The following R3HDM2 variants were observed in gnomAD, a reference collection of about 807,000 sequenced individuals.
The protein encoded by R3HDM2 is R3H domain containing 2, also known as R3H domain-containing protein 2.
A neutral mutation model predicts 124.5 loss-of-function variants in R3HDM2; 38 were observed. That is an observed-to-expected ratio of 0.31 (90% CI 0.24 to 0.40). R3HDM2 has a LOEUF of 0.40. R3HDM2 is among the 10% of genes least tolerant of loss of function. The probability of loss-of-function intolerance (pLI) is 1.00; values close to 1 mark genes in which losing one functional copy is unlikely to be tolerated. For synonymous variants in R3HDM2, 391 were observed against 448.0 expected, an observed-to-expected ratio of 0.87 and a Z score of 1.61; for missense variants, 869 against 1,236.9, an observed-to-expected ratio of 0.70 and a Z score of 4.46.
intron 3 of R3HDM2, among the ~76,000 whole-genome samples, chr12:57,308,147 T>C (rs201493023): frequency 6.7e-6 from 1 of 149,452 alleles, no homozygotes; most frequent in East Asian, 2.1e-4. Context: ...CTCTGCCTCC[T>C]GGGTTCAAGC....
chr12:57,320,261 C>CGAAAAAAAAAAAAA (rs2056137151), intron 2 of R3HDM2, among the ~76,000 whole-genome samples: 1 of 14,276 alleles, frequency 7.0e-5, no homozygotes, highest in Non-Finnish European at 1.3e-4. Flanking sequence ...AACTCTATCT[C>CGAAAAAAAAAAAAA]AAAAAAAAAA....
intron 2 of R3HDM2, among the ~76,000 whole-genome samples, chr12:57,318,349 A>C (rs1156995496): frequency 2.0e-5 from 3 of 152,072 alleles, no homozygotes; most frequent in Non-Finnish European, 4.4e-5. Context: ...CAGCTCTTTA[A>C]GTAGAAATAA....
At chr12:57,299,299 A>G (rs1452634086) in intron 6 of R3HDM2, 53 bp downstream of exon 6, 1 of 1,492,728 alleles carries the variant, frequency 6.7e-7, no homozygotes, top group Non-Finnish European at 9.1e-7. Flanking sequence ...GCTTCAGGAT[A>G]AAAGTAAAGG....
rs1359471627 is a variant in R3HDM2, at chr12:57,310,458, G to A, written c.-30C>T. The A allele has an allele frequency of 2.0e-6, 3 of 1,470,086 alleles. No individual in the cohort carries two copies. The Admixed American group carries it at 7.9e-5, about 39-fold the overall frequency. The allele number at this position is 1,470,086 out of a possible 1,614,324, so 91.1% of individuals were successfully genotyped here. ...TTCAATAGAATACAGTGGCCTCTAT[G>A]GACTCCTAAAGAAACATCAAATGCA... On this transcript the variant is annotated 5_prime_UTR_variant, in exon 3 of 24. Transcript: ENST00000402412.
chr12:57,406,539 A>G (rs770273793), intron 1 of R3HDM2, among the ~76,000 whole-genome samples: 6 of 152,176 alleles, frequency 3.9e-5, no homozygotes, highest in Non-Finnish European at 7.3e-5. Flanking sequence ...TAACCAAATA[A>G]GCGATGAGGG....
rs2040392579 is a variant in R3HDM2, at chr12:57,260,263, C to CAAAAAAAAAAAAAAAAAAAAAAGAAAAA, written c.2132-1205_2132-1204insTTTTTCTTTTTTTTTTTTTTTTTTTTTT. Among the ~76,000 whole-genome samples the CAAAAAAAAAAAAAAAAAAAAAAGAAAAA allele has an allele frequency of 1.5e-3, 46 of 31,562 alleles. 5 individuals are homozygous for CAAAAAAAAAAAAAAAAAAAAAAGAAAAA. In the East Asian group the frequency reaches 0.027, roughly 18 times the overall value. 20.7% of individuals were successfully genotyped at this position (31,562 alleles called of 152,430 possible). On this transcript the variant is annotated intron_variant, in intron 19 of 23. Coordinates refer to ENST00000402412, the MANE Select transcript of R3HDM2 (RefSeq NM_001394031.1). ...TGGGTGACAGAATGAGACCCTGCCT[C>CAAAAAAAAAAAAAAAAAAAAAAGAAAAA]AAAAAAAAAAAAAAAAAAAAAAGCC...
chr12:57,271,073 G>C (rs1364272694), intron 14 of R3HDM2, among the ~76,000 whole-genome samples: 1 of 152,182 alleles, frequency 6.6e-6, no homozygotes, highest in African/African-American at 2.4e-5. Context: ...ATAACACCTT[G>C]AGTGGATCAT....
chr12:57,407,758 C>T (rs2068658244), intron 1 of R3HDM2, among the ~76,000 whole-genome samples: 1 of 151,538 alleles, frequency 6.6e-6, no homozygotes, highest in Non-Finnish European at 1.5e-5. Context: ...TATTTTTGTG[C>T]GTGTTTTTTT....
At chr12:57,369,066 A>G (rs2063005309) in intron 2 of R3HDM2, among the ~76,000 whole-genome samples, 1 of 152,182 alleles carries the variant, frequency 6.6e-6, no homozygotes, top group South Asian at 2.1e-4. Context: ...AACCTCAGAT[A>G]GTTTTCCTCC....
In R3HDM2 at chr12:57,365,264, C is replaced by CA. The variant is rs1162818499; in HGVS notation, c.-36+30484dup. 4.3e-3 allele frequency among the ~76,000 whole-genome samples: 585 copies of CA among 137,646 alleles called. 4 individuals carry two copies. The highest frequency in any genetic ancestry group is 0.015 in the African/African-American group (558 of 36,634). The allele number at this position is 137,646 out of a possible 152,430, so 90.3% of individuals were successfully genotyped here. A position where few individuals can be genotyped will look rare whatever the true frequency, so the allele number is the denominator to read the frequency against. On this transcript the variant is annotated intron_variant, in intron 2 of 23. Transcript: ENST00000402412. ...GGGTGACAGAGTGAGACTCTGTCTC[C>CA]AAAAAAAAAGAAAAAAAAAAAAGGA... is the stretch of plus-strand genomic sequence containing the variant.
At chr12:57,410,910 A>G (rs2068947741) in intron 1 of R3HDM2, among the ~76,000 whole-genome samples, 2 of 152,352 alleles carry the variant, frequency 1.3e-5, no homozygotes, top group South Asian at 4.1e-4. Flanking sequence ...CAGTAGGGAA[A>G]AAATAGTGGA....
chr12:57,272,369 C>T, intron 14 of R3HDM2: 6 of 1,167,244 alleles, frequency 5.1e-6, no homozygotes, highest in Non-Finnish European at 7.5e-6. Flanking sequence ...AACATGCTTA[C>T]AAGGCCATCA....
At chr12:57,374,853 GGGCGTGGT>G (rs1176795317) in intron 2 of R3HDM2, among the ~76,000 whole-genome samples, 1 of 149,492 alleles carries the variant, frequency 6.7e-6, no homozygotes, top group African/African-American at 2.5e-5. Context: ...AAAAATAGTC[GGGCGTGGT>G]GGCGGGCGCC....
intron 2 of R3HDM2, among the ~76,000 whole-genome samples, chr12:57,389,983 T>C (rs2066414605): frequency 6.6e-6 from 1 of 152,118 alleles, no homozygotes; most frequent in Non-Finnish European, 1.5e-5. Context: ...ATCAGAAGTA[T>C]CTTTTTTGTC....
intron 3 of R3HDM2, among the ~76,000 whole-genome samples, chr12:57,307,757 C>T (rs1167127134): frequency 6.6e-6 from 1 of 151,584 alleles, no homozygotes; most frequent in African/African-American, 2.4e-5. Context: ...TCCCAAGTAG[C>T]TGGGATTACA....
At chr12:57,423,808 T>A (rs1439450132) in intron 1 of R3HDM2, among the ~76,000 whole-genome samples, 10 of 51,434 alleles carry the variant, frequency 1.9e-4, no homozygotes, top group South Asian at 9.5e-4. Flanking sequence ...CTGTCTCAAT[T>A]AAAAAAAAAA....
chr12:57,333,252 C>T (rs1346610753), intron 2 of R3HDM2, among the ~76,000 whole-genome samples: 1 of 152,108 alleles, frequency 6.6e-6, no homozygotes, highest in Non-Finnish European at 1.5e-5. Context: ...CCCAGCTATT[C>T]CTCTATCTCC....
intron 10 of R3HDM2, among the ~76,000 whole-genome samples, chr12:57,294,063 A>G (rs1330701657): frequency 6.6e-6 from 1 of 152,164 alleles, no homozygotes; most frequent in Non-Finnish European, 1.5e-5. Flanking sequence ...CAGTTTTCTT[A>G]TATGTAAAGT....
intron 5 of R3HDM2, 143 bp from the exon 6 acceptor site, chr12:57,299,621 T>C (rs1302571628): frequency 3.2e-6 from 3 of 938,108 alleles, no homozygotes; most frequent in Non-Finnish European, 4.6e-6. Flanking sequence ...CTGTTTTAGT[T>C]TTCTTCTATC....
Sources: gnomAD v4.1 joint callset for allele counts (sites outside exome capture counted in the v4.1 genomes callset) on GRCh38, gnomAD v4.1.1 for gene constraint, MANE v1.5 for transcripts, NCBI Gene and HGNC (gene_info 2026-07-23, HGNC 2026-07-21) for gene names.